Variants in DNAJC2 observed in about 807,000 individuals in gnomAD.
The protein encoded by DNAJC2 is dnaJ homolog subfamily C member 2.
A neutral mutation model predicts 94.0 loss-of-function variants in DNAJC2; 32 were observed. The observed-to-expected ratio is 0.34, with a 90% CI of 0.26 to 0.46. DNAJC2 has a LOEUF of 0.46. Ranked by LOEUF, DNAJC2 falls within the 20% of genes least tolerant of loss-of-function variation. The pLI is 1.00. For missense variants in DNAJC2, 550 were observed against 719.5 expected, an observed-to-expected ratio of 0.76 and a Z score of 2.69; for synonymous variants, 210 against 229.7, an observed-to-expected ratio of 0.91 and a Z score of 0.77.
chr7:103,313,696 C>T (rs1817886387), intron 15 of DNAJC2: 1 of 985,414 alleles, frequency 1.0e-6, no homozygotes, highest in African/African-American at 1.7e-5. Context: ...GGAGCCGATG[C>T]TGAACACTTC....
chr7:103,315,767 C>T lies in DNAJC2; in HGVS notation c.1633G>A (p.Glu545Lys). 1 of 1,612,872 alleles carries T rather than the reference C, an allele frequency of 6.2e-7. No individual in the cohort carries two copies. Among genetic ancestry groups the T allele is most frequent in the Non-Finnish European group, 8.5e-7 (1 of 1,179,158 alleles). ...CGTTTAGAAAAGCAAAATTTACCTTCAAATCGTTCTGAAGGCGTTGCGTTG... is the reference window on the plus strand; with the variant it reads ...CGTTTAGAAAAGCAAAATTTACCTTTAAATCGTTCTGAAGGCGTTGCGTTG... ...ADNATPSERF[E>K]GPYTDFTPWT... Residue 545 changes from glutamate to lysine, a missense_variant, in exon 15 of 17, where the codon GAA becomes AAA. Physicochemically the swap from Glu to Lys is moderately conservative, Grantham distance 56 (BLOSUM62 1). This residue lies in a region of DNAJC2 where 271 missense variants were observed against 302.6 expected (regional missense o/e 0.90). Transcript: ENST00000379263.
intron 6 of DNAJC2, 21 bp from the exon 7 acceptor site, chr7:103,323,684 A>C (rs1004508634): frequency 1.4e-6 from 2 of 1,381,044 alleles, no homozygotes; most frequent in African/African-American, 2.9e-5. Context: ...CAGAAATAAT[A>C]CATGATCAAG....
At chr7:103,316,782 C>A in intron 13 of DNAJC2, 48 bp downstream of exon 13, 1 of 1,475,882 alleles carries the variant, frequency 6.8e-7, no homozygotes, top group Non-Finnish European at 9.4e-7. Context: ...TCTACATTAT[C>A]TCCAGGCTCC....
At position 103,344,588 on chromosome 7, in the gene DNAJC2, C is replaced by A. The variant is rs554340864; in HGVS notation, c.35G>T (p.Gly12Val). The A allele has an allele frequency of 6.2e-7, 1 of 1,613,144 alleles. No individual in the cohort carries two copies. The highest frequency in any genetic ancestry group is 2.2e-5 in the East Asian group (1 of 44,858). The change falls in exon 1 of 17, where the codon GGC (glycine) becomes GTC (valine). Residue 12 changes from glycine to valine, a missense_variant. By Grantham distance (109) the Gly-to-Val change is moderately radical. Around this residue, in one of 2 missense-constraint regions of DNAJC2, gnomAD observed 279 missense variants for 416.9 expected, o/e 0.67. Transcript: ENST00000379263. ...GGTCAGAGCGTGGGTGATGGCGGTG[C>A]CCCGGCCGTCCGCGGCGCTTGGCAG... is the stretch of plus-strand genomic sequence containing the variant. Reference protein sequence around the residue: ...LLLPSAADGRGTAITHALTSA... With the variant: ...LLLPSAADGRVTAITHALTSA...
chr7:103,334,493 T>C (rs994453429), intron 3 of DNAJC2, among the ~76,000 whole-genome samples: 5 of 151,658 alleles, frequency 3.3e-5, no homozygotes, highest in South Asian at 2.1e-4. Flanking sequence ...GGAGAACCAC[T>C]TGAACCCTGG....
rs1235808465 is a variant in DNAJC2, at chr7:103,344,746, C to G, written c.-124G>C. ...GCCTTGGCTCTAAGACGCCCAGGAACCGGCGCATGGAGACGACCAGTAAGC... is the reference window on the plus strand; with the variant it reads ...GCCTTGGCTCTAAGACGCCCAGGAAGCGGCGCATGGAGACGACCAGTAAGC... On this transcript the variant is annotated 5_prime_UTR_variant, in exon 1 of 17. Coordinates refer to ENST00000379263, the MANE Select transcript of DNAJC2 (RefSeq NM_014377.3). 7.1e-6 allele frequency: 7 copies of G among 983,906 alleles called. No homozygotes were observed. Among genetic ancestry groups the G allele is most frequent in the Non-Finnish European group, 1.1e-5 (7 of 647,450 alleles). 60.9% of individuals were successfully genotyped at this position (983,906 alleles called of 1,614,324 possible). A position where few individuals can be genotyped will look rare whatever the true frequency, so the allele number is the denominator to read the frequency against.
intron 6 of DNAJC2, among the ~76,000 whole-genome samples, chr7:103,324,254 A>T (rs1258290249): frequency 6.6e-6 from 1 of 152,216 alleles, no homozygotes; most frequent in African/African-American, 2.4e-5. Flanking sequence ...TTTTTATTCA[A>T]ATGACTCCCC....
chr7:103,333,997 C>T (rs13221892), intron 3 of DNAJC2, among the ~76,000 whole-genome samples: 86,178 of 149,236 alleles, frequency 0.58, 26,973 homozygotes, highest in Middle Eastern at 0.78. Flanking sequence ...GTTGCCCAGG[C>T]TGGAGTGCAG....
chr7:103,338,401 A>G (rs1016599295), intron 2 of DNAJC2, among the ~76,000 whole-genome samples: 1 of 147,608 alleles, frequency 6.8e-6, no homozygotes, highest in African/African-American at 2.5e-5. Context: ...GGTTCAAGCA[A>G]TTCTCCTGCC....
intron 15 of DNAJC2, chr7:103,314,680 TAACTCAGCCA>T (rs1363447757): frequency 1.0e-6 from 1 of 983,552 alleles, no homozygotes; most frequent in East Asian, 1.1e-4. Context: ...AAATAATGCC[TAACTCAGCCA>T]AACAAGTCAC....
At chr7:103,340,610 T>A (rs1819338937) in intron 2 of DNAJC2, among the ~76,000 whole-genome samples, 1 of 152,178 alleles carries the variant, frequency 6.6e-6, no homozygotes, top group Admixed American at 6.5e-5. Context: ...ATCTGGGAAC[T>A]TTCCCAAGGT....
Position 103,316,351 on chromosome 7 carries a change from C to T in DNAJC2, c.1428-263G>A, listed in dbSNP as rs149633179. On this transcript the variant is annotated intron_variant, in intron 13 of 16. Transcript: ENST00000379263. The stretch of plus-strand genomic sequence containing the variant: ...GTACAAATCAACATAAATAAAACCA[C>T]TTATTTGTGTATACTGCCAGTTTAA... 649 of 290,090 alleles carry T rather than the reference C, an allele frequency of 2.2e-3. 3 individuals are homozygous for T. The highest frequency in any genetic ancestry group is 0.016 in the Middle Eastern group (16 of 972). 18.0% of individuals were successfully genotyped at this position (290,090 alleles called of 1,614,324 possible).
Position 103,312,618 on chromosome 7 carries a change from T to C in DNAJC2, c.1817A>G (p.Lys606Arg). The change falls in exon 17 of 17, where the codon AAG becomes AGG. Residue 606 changes from lysine to arginine, a missense_variant. Around this residue, in one of 2 missense-constraint regions of DNAJC2, gnomAD observed 271 missense variants for 302.6 expected, o/e 0.90. Transcript: ENST00000379263. ...YKELVEMVKA[K>R]KAAQEQVLNA... ...CAGCACTTGTTCTTGAGCAGCTTTC[T>C]TTGCTTTTACCATCTCGACAAGTTC... is the stretch of plus-strand genomic sequence containing the variant. 6.2e-6 allele frequency: 10 copies of C among 1,613,734 alleles called. No homozygotes were observed. Among genetic ancestry groups the C allele is most frequent in the Non-Finnish European group, 8.5e-6 (10 of 1,179,864 alleles).
intron 3 of DNAJC2, among the ~76,000 whole-genome samples, chr7:103,334,289 C>T (rs1007308238): frequency 1.1e-4 from 17 of 149,124 alleles, no homozygotes; most frequent in African/African-American, 3.7e-4. Context: ...TGGCTGGGCA[C>T]GGTGGCTCAT....
chr7:103,324,069 TTA>T (rs1818570593), intron 6 of DNAJC2, among the ~76,000 whole-genome samples: 1 of 152,220 alleles, frequency 6.6e-6, no homozygotes, highest in African/African-American at 2.4e-5. Context: ...CTATGTGATT[TTA>T]TGTTTTTGTA....
intron 5 of DNAJC2, 134 bp from the exon 6 acceptor site, chr7:103,324,696 CG>C: frequency 1.1e-6 from 1 of 897,352 alleles, no homozygotes; most frequent in East Asian, 3.8e-5. Flanking sequence ...CTCTACAACT[CG>C]AAGATGGAGC....
chr7:103,328,119 A>G (rs1818804036), intron 3 of DNAJC2, among the ~76,000 whole-genome samples: 1 of 151,818 alleles, frequency 6.6e-6, no homozygotes, highest in South Asian at 2.1e-4. Context: ...ACAAGGTTTC[A>G]CTATGTTGGC....
chr7:103,329,088 A>G (rs1161051021), intron 3 of DNAJC2: 2 of 893,078 alleles, frequency 2.2e-6, no homozygotes, highest in Non-Finnish European at 3.0e-6. Context: ...GGTGGTCAAC[A>G]ATTTTTTTGT....
chr7:103,331,103 C>T (rs1251908233), intron 3 of DNAJC2, among the ~76,000 whole-genome samples: 2 of 151,714 alleles, frequency 1.3e-5, no homozygotes, highest in African/African-American at 4.8e-5. Flanking sequence ...ATTACAGGCA[C>T]CTGCCACCAC....
Sources: allele counts gnomAD v4.1 joint callset (sites outside exome capture counted in the v4.1 genomes callset), GRCh38; gene constraint gnomAD v4.1.1; regional missense constraint gnomAD v4.1.1; transcripts MANE v1.5; gene names NCBI Gene and HGNC (gene_info 2026-07-23, HGNC 2026-07-21).